TRAK1: variants seen among roughly 807,000 people sequenced by gnomAD.
TRAK1 encodes trafficking kinesin-binding protein 1.
TRAK1 carries 33 observed loss-of-function variants against 92.1 expected under a neutral mutation model. The observed-to-expected ratio is 0.36, with a 90% CI of 0.27 to 0.48. The LOEUF (loss-of-function observed/expected upper bound fraction) is 0.48, where lower values mean the gene tolerates loss of function less well. TRAK1 is among the 20% of genes least tolerant of loss of function. The pLI is 0.99. For synonymous variants in TRAK1, 521 were observed against 517.3 expected, an observed-to-expected ratio of 1.01 and a Z score of -0.10; for missense variants, 1,123 against 1,257.9, an observed-to-expected ratio of 0.89 and a Z score of 1.62.
chr3:42,099,293 C>G (rs1706400949), intron 1 of TRAK1, among the ~76,000 whole-genome samples: 1 of 151,966 alleles, frequency 6.6e-6, no homozygotes, highest in Non-Finnish European at 1.5e-5. Flanking sequence ...CGGGGGTAAC[C>G]CAGCTGGATG....
chr3:42,200,992 C>T lies in TRAK1; in HGVS notation c.1365C>T (p.Gly455=), dbSNP rs1247966550. ...PRSSFYGSDI[G]NVVLDNKTNS... ...CCAGCTTCTACGGCAGCGACATAGG[C>T]AACGTCGTCCTCGACAACAAGACCA... Residue 455 remains glycine (G), a synonymous_variant, in exon 12 of 16, where the codon GGC becomes GGT. Transcript: ENST00000327628. 3.7e-6 allele frequency: 6 copies of T among 1,614,194 alleles called. No homozygotes were observed. Among genetic ancestry groups the T allele is most frequent in the Admixed American group, 1.7e-5 (1 of 60,030 alleles).
At chr3:42,053,694 TC>T (rs1377151434) in intron 1 of TRAK1, among the ~76,000 whole-genome samples, 1 of 151,984 alleles carries the variant, frequency 6.6e-6, no homozygotes, top group Non-Finnish European at 1.5e-5. Context: ...CCTGGGCTGG[TC>T]AAGTAGAGTA....
At chr3:42,052,987 G>C (rs1411940266) in intron 1 of TRAK1, among the ~76,000 whole-genome samples, 1 of 152,002 alleles carries the variant, frequency 6.6e-6, no homozygotes, top group African/African-American at 2.4e-5. Flanking sequence ...GGGAAAGACA[G>C]GGGGAGCTGA....
chr3:42,127,118 A>G (rs938623113), intron 2 of TRAK1, among the ~76,000 whole-genome samples: 43 of 152,214 alleles, frequency 2.8e-4, no homozygotes, highest in Non-Finnish European at 4.4e-5. Context: ...GTGGTATCAT[A>G]TGGAAAACTG....
At chr3:42,164,075 C>T (rs368557800) in intron 2 of TRAK1, among the ~76,000 whole-genome samples, 1 of 152,196 alleles carries the variant, frequency 6.6e-6, no homozygotes, top group Non-Finnish European at 1.5e-5. Flanking sequence ...GCTGGAAACA[C>T]GTGTATCTCA....
chr3:42,189,244 A>G, intron 6 of TRAK1, 120 bp downstream of exon 6: 3 of 719,802 alleles, frequency 4.2e-6, no homozygotes, highest in Non-Finnish European at 4.8e-6. Context: ...GAAGAGCTGT[A>G]CCAGGCGCTC....
At chr3:42,185,848 A>G (rs1296123839) in intron 4 of TRAK1, among the ~76,000 whole-genome samples, 5 of 149,080 alleles carry the variant, frequency 3.4e-5, no homozygotes, top group African/African-American at 1.2e-4. Flanking sequence ...ATTTTTTAAT[A>G]TTTTTGGTAG....
intron 15 of TRAK1, among the ~76,000 whole-genome samples, chr3:42,219,965 G>A (rs1047693116): frequency 1.9e-4 from 29 of 151,922 alleles, no homozygotes; most frequent in Middle Eastern, 3.4e-3. Flanking sequence ...GACCTGGACC[G>A]ACCCACCTTT....
intron 8 of TRAK1, among the ~76,000 whole-genome samples, 180 bp from the exon 9 acceptor site, chr3:42,193,644 A>G (rs1706151196): frequency 6.6e-6 from 1 of 152,174 alleles, no homozygotes; most frequent in South Asian, 2.1e-4. Context: ...GCTATAGAGA[A>G]TGAATGTGGA....
intron 3 of TRAK1, among the ~76,000 whole-genome samples, chr3:42,182,863 T>G (rs1704210300): frequency 6.6e-6 from 1 of 152,246 alleles, no homozygotes; most frequent in African/African-American, 2.4e-5. Flanking sequence ...ATTTTTCTCT[T>G]TATTCTAAAA....
intron 2 of TRAK1, among the ~76,000 whole-genome samples, chr3:42,160,988 C>T (rs184250550): frequency 1.1e-3 from 173 of 152,194 alleles, no homozygotes; most frequent in African/African-American, 4.0e-3. Flanking sequence ...TTAAATGAAG[C>T]ATGTTTTTGT....
At chr3:42,067,384 T>A (rs779749310) in intron 1 of TRAK1, among the ~76,000 whole-genome samples, 4 of 152,248 alleles carry the variant, frequency 2.6e-5, no homozygotes, top group Admixed American at 2.0e-4. Flanking sequence ...CGGGCTGAGA[T>A]GTTTCTTCTC....
intron 1 of TRAK1, among the ~76,000 whole-genome samples, chr3:42,042,455 T>C (rs1395202170): frequency 6.6e-6 from 1 of 152,202 alleles, no homozygotes; most frequent in Non-Finnish European, 1.5e-5. Context: ...CACTGTGGCC[T>C]CTGCCTCCTG....
intron 1 of TRAK1, among the ~76,000 whole-genome samples, chr3:42,038,615 A>G (rs7615247): frequency 0.12 from 17,675 of 151,616 alleles, 3,199 homozygotes; most frequent in African/African-American, 0.38. Context: ...GTGAAATCCC[A>G]TCTCTACTAA....
chr3:42,135,480 C>T (rs1424958909), intron 2 of TRAK1, among the ~76,000 whole-genome samples: 1 of 152,226 alleles, frequency 6.6e-6, no homozygotes, highest in Non-Finnish European at 1.5e-5. Context: ...GTAATCCCAA[C>T]ACTTTGGGTG....
rs866807549 is a variant in TRAK1 at position 42,061,337 on chromosome 3, C to T, written c.-518-25767C>T. On this transcript the variant is annotated intron_variant, in intron 1 of 16. Coordinates refer to the TRAK1 transcript ENST00000487159. The stretch of plus-strand genomic sequence containing the variant: ...CCCCACGCACACCCCCCCATGCACA[C>T]CCCACCCCCCCACGCACACCCACAC... 3.2e-5 allele frequency among the ~76,000 whole-genome samples: 4 copies of T among 123,982 alleles called. No individual in the cohort carries two copies. In the South Asian group the frequency reaches 9.3e-4, roughly 29 times the overall value. The allele number at this position is 123,982 out of a possible 152,430, so 81.3% of individuals were successfully genotyped here.
intron 1 of TRAK1, among the ~76,000 whole-genome samples, chr3:42,093,473 A>G (rs1705390608): frequency 6.6e-6 from 1 of 152,008 alleles, no homozygotes; most frequent in South Asian, 2.1e-4. Flanking sequence ...ATAAATTGTG[A>G]AATTTATTTA....
chr3:42,093,356 T>A (rs2148976605), intron 1 of TRAK1, among the ~76,000 whole-genome samples: 1 of 152,226 alleles, frequency 6.6e-6, no homozygotes, highest in South Asian at 2.1e-4. Context: ...CACCTCTGCC[T>A]TTTAAATATG....
chr3:42,154,792 A>G (rs1375534652), intron 2 of TRAK1, among the ~76,000 whole-genome samples: 2 of 152,138 alleles, frequency 1.3e-5, no homozygotes, highest in Non-Finnish European at 2.9e-5. Context: ...AGTCGTGCCA[A>G]CCCTGCTCTC....
Sources: gnomAD v4.1 joint callset for allele counts (sites outside exome capture counted in the v4.1 genomes callset) on GRCh38, gnomAD v4.1.1 for gene constraint, MANE v1.5 for transcripts, NCBI Gene and HGNC (gene_info 2026-07-23, HGNC 2026-07-21) for gene names.